RP1: variants seen among roughly 807,000 people sequenced by gnomAD.
RP1 encodes oxygen-regulated protein 1.
Under a neutral mutation model 14.8 loss-of-function variants are expected in RP1, and 16 were observed. The observed-to-expected ratio is 1.08, with a 90% confidence interval of 0.73 to 1.65. RP1 has a LOEUF of 1.65. Among genes scored for constraint, RP1 ranks in the 40% most tolerant of loss-of-function variants. The probability of loss-of-function intolerance (pLI) is 0.00; values close to 1 mark genes in which losing one functional copy is unlikely to be tolerated. For synonymous variants in RP1, 876 were observed against 883.6 expected, an observed-to-expected ratio of 0.99 and a Z score of 0.15; for missense variants, 2,631 against 2,535.0, an observed-to-expected ratio of 1.04 and a Z score of -0.81.
chr8:54,762,340 C>G (rs956266751), intron 22 of RP1, among the ~76,000 whole-genome samples: 2 of 152,094 alleles, frequency 1.3e-5, no homozygotes, highest in Non-Finnish European at 2.9e-5. Flanking sequence ...CAAAGCAGAG[C>G]CGCGTGAGGA....
intron 7 of RP1, among the ~76,000 whole-genome samples, chr8:54,669,993 G>A (rs538113684): frequency 1.3e-4 from 19 of 151,912 alleles, no homozygotes; most frequent in South Asian, 6.2e-4. Flanking sequence ...AAACCGGCAC[G>A]TTGTGCACAT....
chr8:54,812,783 ATCTATC>A (rs1811037734), intron 24 of RP1, among the ~76,000 whole-genome samples: 1 of 150,048 alleles, frequency 6.7e-6, no homozygotes, highest in African/African-American at 2.5e-5. Flanking sequence ...CTATCTATCT[ATCTATC>A]TATCTATCTA....
intron 1 of RP1, among the ~76,000 whole-genome samples, chr8:54,572,651 A>G (rs1193956906): frequency 6.6e-6 from 1 of 152,226 alleles, no homozygotes; most frequent in African/African-American, 2.4e-5. Context: ...TTATCATTGT[A>G]GATATGAGGT....
chr8:54,596,023 A>C (rs1805137248), intron 1 of RP1, among the ~76,000 whole-genome samples: 1 of 152,252 alleles, frequency 6.6e-6, no homozygotes, highest in African/African-American at 2.4e-5. Flanking sequence ...GTTTAGTCAA[A>C]CAACAAGAAT....
At chr8:54,668,640 A>C (rs1585592880) in intron 7 of RP1, among the ~76,000 whole-genome samples, 2 of 152,212 alleles carry the variant, frequency 1.3e-5, no homozygotes, top group East Asian at 3.8e-4. Context: ...ACAAGGCTAC[A>C]GTAACCAAAA....
intron 3 of RP1, among the ~76,000 whole-genome samples, chr8:54,638,725 A>C (rs1806400346): frequency 6.6e-6 from 1 of 152,092 alleles, no homozygotes; most frequent in Admixed American, 6.6e-5. Context: ...TACACTAGGC[A>C]TTCAGTACCC....
chr8:54,585,622 T>C (rs1804902990), intron 1 of RP1, among the ~76,000 whole-genome samples: 2 of 152,370 alleles, frequency 1.3e-5, no homozygotes, highest in South Asian at 4.1e-4. Context: ...TCCCCGTCAC[T>C]TTCGGGTACA....
Position 54,658,809 on chromosome 8 carries a change from T to TA in RP1, c.1171+2595dup, listed in dbSNP as rs199643461. Among the ~76,000 whole-genome samples, 394 of 152,156 alleles carry TA rather than the reference T, an allele frequency of 2.6e-3. 1 individual carries two copies. Among genetic ancestry groups the TA allele is most frequent in the African/African-American group, 8.9e-3 (371 of 41,546 alleles). On this transcript the variant is annotated intron_variant, in intron 6 of 22. Coordinates refer to the RP1 transcript ENST00000636932. ...TTTTAAATTTTTTGAGGAACCTCCT[T>TA]ACCTTTTTCCATAGTAGTTGGACAA...
At chr8:54,602,313 T>G (rs1805311613) in intron 1 of RP1, among the ~76,000 whole-genome samples, 1 of 152,166 alleles carries the variant, frequency 6.6e-6, no homozygotes, top group South Asian at 2.1e-4. Flanking sequence ...TGCGACAGTT[T>G]GCTGAGAATG....
At chr8:54,777,394 AATATCAAG>A (rs1810070345) in intron 23 of RP1, among the ~76,000 whole-genome samples, 1 of 152,246 alleles carries the variant, frequency 6.6e-6, no homozygotes, top group Admixed American at 6.5e-5. Context: ...GTCTTAGACC[AATATCAAG>A]ATAAAATAGG....
At chr8:54,562,056 A>G (rs2129290109) in intron 1 of RP1, 1 of 152,328 alleles carries the variant, frequency 6.6e-6, no homozygotes, top group African/African-American at 2.4e-5. Flanking sequence ...AAATGAATGG[A>G]TGGTCCTCAA....
chr8:54,789,977 A>C (rs1423047937), intron 24 of RP1, among the ~76,000 whole-genome samples: 1 of 152,198 alleles, frequency 6.6e-6, no homozygotes, highest in Non-Finnish European at 1.5e-5. Flanking sequence ...GTCTGGCCAG[A>C]GAGATTGGTT....
At chr8:54,797,276 C>T (rs181967278) in intron 24 of RP1, among the ~76,000 whole-genome samples, 2 of 152,052 alleles carry the variant, frequency 1.3e-5, no homozygotes, top group East Asian at 3.9e-4. Context: ...AGGAGGACGG[C>T]ACCTCTTCAT....
At chr8:54,865,505 A>T (rs920640150) in intron 27 of RP1, among the ~76,000 whole-genome samples, 3 of 152,110 alleles carry the variant, frequency 2.0e-5, no homozygotes, top group Non-Finnish European at 4.4e-5. Flanking sequence ...TTAAACTTAT[A>T]AATCTTCTAT....
chr8:54,784,367 A>G (rs1252071471), intron 24 of RP1, among the ~76,000 whole-genome samples: 2 of 152,152 alleles, frequency 1.3e-5, no homozygotes, highest in Non-Finnish European at 2.9e-5. Context: ...AGCACCCTGT[A>G]TTACATACAA....
intron 27 of RP1, among the ~76,000 whole-genome samples, chr8:54,857,290 T>C (rs1812227140): frequency 6.8e-6 from 1 of 147,730 alleles, no homozygotes; most frequent in Admixed American, 6.8e-5. Flanking sequence ...ACATTGAATA[T>C]ATTATAATTA....
rs866001184 is a variant in RP1, at chr8:54,824,198, A to G, written c.3616-13252A>G. 5.3e-5 allele frequency among the ~76,000 whole-genome samples: 8 copies of G among 152,260 alleles called. 2 individuals carry two copies. In the South Asian group the frequency reaches 1.7e-3, roughly 32 times the overall value. On this transcript the variant is annotated intron_variant, in intron 24 of 28. Transcript: ENST00000637698. ...TAACAAATTAAAAAAGAGAAGATAA[A>G]TTACTAATATTAGAAATGAAACAGA... is the stretch of plus-strand genomic sequence containing the variant.
intron 7 of RP1, among the ~76,000 whole-genome samples, chr8:54,666,826 G>A (rs538734612): frequency 4.8e-4 from 73 of 152,066 alleles, no homozygotes; most frequent in African/African-American, 1.7e-3. Flanking sequence ...GGTCCCAGGG[G>A]ATTTTCAAAT....
chr8:54,652,726 T>A, intron 4 of RP1: 2 of 1,272,634 alleles, frequency 1.6e-6, no homozygotes, highest in Non-Finnish European at 1.1e-6. Flanking sequence ...CTGAGCTGTT[T>A]TTAAGTGAAT....
Sources: allele counts gnomAD v4.1 joint callset (sites outside exome capture counted in the v4.1 genomes callset), GRCh38; gene constraint gnomAD v4.1.1; transcripts MANE v1.5; gene names NCBI Gene and HGNC (gene_info 2026-07-23, HGNC 2026-07-21).